The following AGT variants were observed in gnomAD, a reference collection of about 807,000 sequenced individuals.
AGT encodes angiotensinogen.
A neutral mutation model predicts 28.1 loss-of-function variants in AGT; 26 were observed. That is an observed-to-expected ratio of 0.92 (90% CI 0.68 to 1.28). The LOEUF (loss-of-function observed/expected upper bound fraction) is 1.28, where lower values mean the gene tolerates loss of function less well. AGT is among the 50% of genes most tolerant of loss of function. The pLI, the probability that AGT is intolerant of heterozygous loss-of-function variation, is 0.00. For synonymous variants in AGT, 259 were observed against 259.6 expected, an observed-to-expected ratio of 1.00 and a Z score of 0.02; for missense variants, 596 against 592.3, an observed-to-expected ratio of 1.01 and a Z score of -0.06.
At chr1:230,709,909 C>A (rs946179716) in intron 2 of AGT, 86 bp downstream of exon 2, 32 of 1,589,204 alleles carry the variant, frequency 2.0e-5, no homozygotes, top group Non-Finnish European at 2.8e-5. Flanking sequence ...TGCCCCCTGC[C>A]CATCTCCAAG....
chr1:230,723,822 G>A (rs1663889436), intron 1 of AGT, among the ~76,000 whole-genome samples: 1 of 152,162 alleles, frequency 6.6e-6, no homozygotes, highest in Non-Finnish European at 1.5e-5. Flanking sequence ...GCTCCTCTAA[G>A]AAAATTGTAT....
At chr1:230,744,928 G>A (rs945620736) in intron 1 of AGT, among the ~76,000 whole-genome samples, 1 of 152,174 alleles carries the variant, frequency 6.6e-6, no homozygotes, top group Non-Finnish European at 1.5e-5. Context: ...TTTCCCTGCC[G>A]AGGTGTCACC....
At chr1:230,729,449 A>G (rs1488277252) in intron 1 of AGT, among the ~76,000 whole-genome samples, 1 of 152,200 alleles carries the variant, frequency 6.6e-6, no homozygotes, top group Non-Finnish European at 1.5e-5. Flanking sequence ...CCTCTCTTTC[A>G]AATGTATATA....
intron 3 of AGT, among the ~76,000 whole-genome samples, chr1:230,705,010 G>T (rs534746653): frequency 2.0e-5 from 3 of 152,340 alleles, no homozygotes; most frequent in South Asian, 4.1e-4. Flanking sequence ...ATATTATTCA[G>T]CCTTCAAAAG....
chr1:230,712,433 G>T (rs11568023), intron 1 of AGT, among the ~76,000 whole-genome samples: 3 of 152,062 alleles, frequency 2.0e-5, no homozygotes, highest in African/African-American at 7.3e-5. Context: ...GACTCCATCC[G>T]CTGTTCTCAG....
chr1:230,719,933 A>C (rs1465396376), intron 1 of AGT, among the ~76,000 whole-genome samples: 1 of 152,134 alleles, frequency 6.6e-6, no homozygotes, highest in African/African-American at 2.4e-5. Context: ...TTTTTGACAA[A>C]AGAAAAGCTT....
intron 1 of AGT, among the ~76,000 whole-genome samples, chr1:230,724,862 T>C (rs1186145717): frequency 6.6e-6 from 1 of 152,072 alleles, no homozygotes; most frequent in Non-Finnish European, 1.5e-5. Flanking sequence ...TGGCAAAATT[T>C]AGATGTGCAG....
chr1:230,735,125 G>C (rs755208799), intron 1 of AGT, among the ~76,000 whole-genome samples: 10 of 152,040 alleles, frequency 6.6e-5, no homozygotes, highest in Non-Finnish European at 1.3e-4. Context: ...TACTTTATAG[G>C]CCTCCCGCCC....
chr1:230,730,613 A>G (rs1354741845), intron 1 of AGT, among the ~76,000 whole-genome samples: 1 of 152,178 alleles, frequency 6.6e-6, no homozygotes, highest in African/African-American at 2.4e-5. Context: ...TGGCTCCATA[A>G]GCAGGTGAGC....
intron 1 of AGT, among the ~76,000 whole-genome samples, chr1:230,734,610 A>ATGTGTGTGTGTG (rs59787972): frequency 1.3e-5 from 2 of 150,264 alleles, no homozygotes; most frequent in Non-Finnish European, 3.0e-5. Context: ...TGGTGTGTGT[A>ATGTGTGTGTGTG]TGTGTGTGTG....
At chr1:230,728,442 C>T (rs1350700043) in intron 1 of AGT, among the ~76,000 whole-genome samples, 1 of 152,048 alleles carries the variant, frequency 6.6e-6, no homozygotes, top group Admixed American at 6.6e-5. Context: ...TTAGCTTGAC[C>T]CATGCCCCAA....
At chr1:230,719,958 G>A (rs964765954) in intron 1 of AGT, among the ~76,000 whole-genome samples, 1 of 152,114 alleles carries the variant, frequency 6.6e-6, no homozygotes, top group African/African-American at 2.4e-5. Context: ...TTGCAACAGG[G>A]GTCAAGCTCA....
chr1:230,706,326 C>G (rs939511968), intron 2 of AGT, 126 bp from the exon 3 acceptor site: 74 of 1,068,858 alleles, frequency 6.9e-5, no homozygotes, highest in Middle Eastern at 6.2e-4. Context: ...CTTGGCCCCC[C>G]CCAGGCCACT....
intron 1 of AGT, among the ~76,000 whole-genome samples, chr1:230,735,701 C>T (rs894188767): frequency 6.6e-6 from 1 of 152,130 alleles, no homozygotes; most frequent in Admixed American, 6.5e-5. Context: ...CACTCCACAG[C>T]TTCTCCTTCC....
rs542606750 is a variant in AGT, at chr1:230,734,759, G to A, written c.-31+10756C>T. ...GAGTCTCGCTCTGTCGCCCAGGCTG[G>A]AGTGCAGTGGTGCAATCTCGGCTCA... is the stretch of plus-strand genomic sequence containing the variant. On this transcript the variant is annotated intron_variant, in intron 1 of 4. Coordinates refer to the AGT transcript ENST00000681269. 3.3e-5 allele frequency among the ~76,000 whole-genome samples: 5 copies of A among 152,050 alleles called. 1 individual carries two copies. The South Asian group carries it at 1.0e-3, about 32-fold the overall frequency.
chr1:230,727,616 C>T (rs1264938198), intron 1 of AGT, among the ~76,000 whole-genome samples: 2 of 152,132 alleles, frequency 1.3e-5, no homozygotes, highest in Non-Finnish European at 2.9e-5. Flanking sequence ...CCCTAAGTAA[C>T]TAACTAAGGA....
chr1:230,728,564 TA>T (rs1219125674), intron 1 of AGT, among the ~76,000 whole-genome samples: 1 of 152,208 alleles, frequency 6.6e-6, no homozygotes, highest in African/African-American at 2.4e-5. Context: ...GAGGTTTCAA[TA>T]TTTATACCTG....
intron 2 of AGT, 39 bp downstream of exon 2, chr1:230,709,956 A>G: frequency 6.2e-7 from 1 of 1,613,624 alleles, no homozygotes; most frequent in Non-Finnish European, 8.5e-7. Context: ...ATTGGATACT[A>G]AGTCCTAGGG....
intron 1 of AGT, among the ~76,000 whole-genome samples, chr1:230,721,117 CTG>C (rs1663836186): frequency 6.6e-6 from 1 of 152,274 alleles, no homozygotes; most frequent in Non-Finnish European, 1.5e-5. Context: ...CTGCTCTCCT[CTG>C]TAACCATTAG....
Sources: allele counts gnomAD v4.1 joint callset (sites outside exome capture counted in the v4.1 genomes callset), GRCh38; gene constraint gnomAD v4.1.1; transcripts MANE v1.5; gene names NCBI Gene and HGNC (gene_info 2026-07-23, HGNC 2026-07-21).